CA6: variants seen among roughly 807,000 people sequenced by gnomAD.
The protein encoded by CA6 is carbonic anhydrase 6.
Under a neutral mutation model 35.9 loss-of-function variants are expected in CA6, and 28 were observed. That is an observed-to-expected ratio of 0.78 (90% CI 0.58 to 1.07). The LOEUF (loss-of-function observed/expected upper bound fraction) is 1.07, where lower values mean the gene tolerates loss of function less well. Among genes scored for constraint, CA6 ranks in the 50% least tolerant of loss-of-function variants. CA6 has a pLI of 0.00. For missense variants in CA6, 377 were observed against 382.0 expected (o/e 0.99, Z 0.11); for synonymous variants, 148 against 152.6 (o/e 0.97, Z 0.22).
intron 1 of CA6, among the ~76,000 whole-genome samples, chr1:8,946,807 T>C (rs1033499642): frequency 4.0e-4 from 7 of 17,342 alleles, no homozygotes; most frequent in African/African-American, 1.4e-3. Flanking sequence ...TTTTTTTTGT[T>C]TTTTTTTTTT....
intron 6 of CA6, among the ~76,000 whole-genome samples, chr1:8,970,176 A>T (rs1640070045): frequency 6.8e-6 from 1 of 146,170 alleles, no homozygotes. Context: ...ACTGCACTCC[A>T]GCCTGGCGAC....
intron 2 of CA6, among the ~76,000 whole-genome samples, 168 bp from the exon 3 acceptor site, chr1:8,956,969 C>T (rs1388208743): frequency 1.3e-5 from 2 of 152,212 alleles, no homozygotes; most frequent in African/African-American, 2.4e-5. Context: ...TGTGCGCAAA[C>T]GCCTCTTCTC....
chr1:8,972,980 T>C (rs552393055), intron 7 of CA6, among the ~76,000 whole-genome samples: 2 of 152,244 alleles, frequency 1.3e-5, no homozygotes, highest in African/African-American at 2.4e-5. Context: ...ACAGGTCCAA[T>C]TGCAAGCAGG....
intron 1 of CA6, among the ~76,000 whole-genome samples, chr1:8,948,081 T>C (rs1005291095): frequency 2.0e-5 from 3 of 151,934 alleles, no homozygotes; most frequent in Non-Finnish European, 4.4e-5. Flanking sequence ...CTCCCAACCT[T>C]AGGTGATCCA....
chr1:8,947,407 T>TCCCGTTCTGTTAA (rs1639394985), intron 1 of CA6, among the ~76,000 whole-genome samples: 2 of 152,064 alleles, frequency 1.3e-5, no homozygotes, highest in Non-Finnish European at 2.9e-5. Flanking sequence ...GTGAACGGGA[T>TCCCGTTCTGTTAA]GATCTGTTAA....
At chr1:8,952,304 T>A (rs1332376003) in intron 2 of CA6, 2 of 151,406 alleles carry the variant, frequency 1.3e-5, no homozygotes, top group African/African-American at 2.4e-5. Flanking sequence ...CCCCAGCTAA[T>A]TTTTGTATTT....
chr1:8,960,821 A>C (rs1639823358), intron 4 of CA6, among the ~76,000 whole-genome samples: 1 of 147,824 alleles, frequency 6.8e-6, no homozygotes, highest in African/African-American at 2.5e-5. Flanking sequence ...GAAGGAAAGG[A>C]GAGAGAGAAA....
chr1:8,947,285 A>C (rs2124218651), intron 1 of CA6, among the ~76,000 whole-genome samples: 1 of 152,056 alleles, frequency 6.6e-6, no homozygotes, highest in East Asian at 1.9e-4. Context: ...GGGACCATGG[A>C]TTGGGGCCCA....
chr1:8,946,069 G>A (rs1639355970), intron 1 of CA6, 104 bp downstream of exon 1: 1 of 746,386 alleles, frequency 1.3e-6, no homozygotes, highest in Non-Finnish European at 2.2e-6. Context: ...ACAAAGTCTT[G>A]CTCTGTTGCC....
intron 2 of CA6, chr1:8,951,494 A>G (rs755097311): frequency 2.6e-6 from 2 of 765,012 alleles, no homozygotes; most frequent in Admixed American, 1.7e-5. Flanking sequence ...CAAAGGCCAA[A>G]GGCAGTGGCT....
chr1:8,970,717 T>C, intron 6 of CA6, 150 bp from the exon 7 acceptor site: 1 of 637,918 alleles, frequency 1.6e-6, no homozygotes, highest in South Asian at 1.7e-5. Context: ...GCCAGGCTGG[T>C]CTCCAACTCC....
At chr1:8,956,339 T>C (rs1203898750) in intron 2 of CA6, among the ~76,000 whole-genome samples, 1 of 152,178 alleles carries the variant, frequency 6.6e-6, no homozygotes, top group African/African-American at 2.4e-5. Context: ...AGCCCGTTTT[T>C]TTCTTTTTGT....
chr1:8,961,005 A>G (rs1224595011), intron 4 of CA6, among the ~76,000 whole-genome samples: 28 of 152,218 alleles, frequency 1.8e-4, no homozygotes, highest in Non-Finnish European at 5.9e-5. Context: ...AAAGGGATTT[A>G]TTATATGTAG....
At chr1:8,958,565 T>C (rs1218327520) in intron 3 of CA6, among the ~76,000 whole-genome samples, 1 of 152,192 alleles carries the variant, frequency 6.6e-6, no homozygotes, top group Non-Finnish European at 1.5e-5. Flanking sequence ...GCAAGCTCAC[T>C]CTCCCTGCAA....
chr1:8,974,662 G>C lies in CA6; in HGVS notation c.885G>C (p.Lys295Asn). The change falls in exon 8 of 8, where the codon AAG (lysine) becomes AAC (asparagine). Residue 295 changes from lysine to asparagine, a missense_variant. Physicochemically the swap from Lys to Asn is moderately conservative, Grantham distance 94. Transcript: ENST00000377443. Reference protein sequence around the residue: ...LGSEFQFYLHKIEEILDYLRR... With the variant: ...LGSEFQFYLHNIEEILDYLRR... ...CTGAATTCCAGTTTTACCTACATAA[G>C]ATTGAGGAAATTCTTGACTACTTAA... 6.2e-7 allele frequency: 1 copy of C among 1,605,568 alleles called. No homozygotes were observed. The highest frequency in any genetic ancestry group is 1.3e-5 in the African/African-American group (1 of 74,614).
At chr1:8,958,461 C>T (rs1639749479) in intron 3 of CA6, among the ~76,000 whole-genome samples, 2 of 152,194 alleles carry the variant, frequency 1.3e-5, no homozygotes, top group African/African-American at 2.4e-5. Context: ...AGCCACTGTG[C>T]CTGGACTGTG....
intron 2 of CA6, chr1:8,951,461 C>T (rs1416446923): frequency 1.3e-6 from 1 of 764,888 alleles, no homozygotes; most frequent in Non-Finnish European, 2.4e-6. Flanking sequence ...CTTGTCCTCT[C>T]CTTGTGGAGA....
At chr1:8,946,123 C>T (rs139698410) in intron 1 of CA6, among the ~76,000 whole-genome samples, 158 bp downstream of exon 1, 2,213 of 152,056 alleles carry the variant, frequency 0.015, 63 homozygotes, top group African/African-American at 0.051. Flanking sequence ...CTGCAACCTC[C>T]GCCTCCCGGG....
chr1:8,949,121 G>C, intron 1 of CA6, 142 bp from the exon 2 acceptor site: 1 of 565,480 alleles, frequency 1.8e-6, no homozygotes, highest in Non-Finnish European at 3.0e-6. Context: ...GCCTCCTTCT[G>C]GGGGACCTGC....
Sources: gnomAD v4.1 joint callset for allele counts (sites outside exome capture counted in the v4.1 genomes callset) on GRCh38, gnomAD v4.1.1 for gene constraint, MANE v1.5 for transcripts, NCBI Gene and HGNC (gene_info 2026-07-23, HGNC 2026-07-21) for gene names.